ARNT2: variants seen among roughly 807,000 people sequenced by gnomAD.
ARNT2 encodes the protein ARNT protein 2.
A neutral mutation model predicts 91.7 loss-of-function variants in ARNT2; 36 were observed. The observed-to-expected ratio is 0.39, with a 90% CI of 0.30 to 0.52. The LOEUF (loss-of-function observed/expected upper bound fraction) is 0.52, where lower values mean the gene tolerates loss of function less well. Ranked by LOEUF, ARNT2 falls within the 20% of genes least tolerant of loss-of-function variation. The pLI, the probability that ARNT2 is intolerant of heterozygous loss-of-function variation, is 0.72. For synonymous variants in ARNT2, 365 were observed against 347.1 expected, an observed-to-expected ratio of 1.05 and a Z score of -0.57; for missense variants, 775 against 939.3, an observed-to-expected ratio of 0.83 and a Z score of 2.29.
intron 8 of ARNT2, among the ~76,000 whole-genome samples, chr15:80,531,770 G>A (rs1033187700): frequency 6.6e-6 from 1 of 152,142 alleles, no homozygotes; most frequent in African/African-American, 2.4e-5. Context: ...TGGACTCATT[G>A]AATGTCAGAG....
intron 11 of ARNT2, among the ~76,000 whole-genome samples, chr15:80,560,671 G>A (rs1185322716): frequency 1.3e-5 from 2 of 152,206 alleles, no homozygotes; most frequent in African/African-American, 4.8e-5. Context: ...TTCAAAACGT[G>A]GACAGTGACT....
intron 5 of ARNT2, among the ~76,000 whole-genome samples, chr15:80,482,083 A>G (rs1185985784): frequency 1.3e-5 from 2 of 151,938 alleles, no homozygotes; most frequent in East Asian, 3.9e-4. Flanking sequence ...TAATTTTTTA[A>G]TTTTTTTGTA....
chr15:80,581,515 T>G, intron 17 of ARNT2, 111 bp downstream of exon 17: 1 of 1,425,940 alleles, frequency 7.0e-7, no homozygotes, highest in Non-Finnish European at 9.6e-7. Flanking sequence ...AAACAAGGTC[T>G]GGAGGTTTCC....
At chr15:80,592,181 G>A (rs932913586) in intron 18 of ARNT2, among the ~76,000 whole-genome samples, 4 of 152,196 alleles carry the variant, frequency 2.6e-5, no homozygotes, top group Non-Finnish European at 5.9e-5. Context: ...CTCAGGGAGA[G>A]TCCCCGATTG....
intron 8 of ARNT2, among the ~76,000 whole-genome samples, chr15:80,524,808 G>C (rs1435743230): frequency 6.6e-6 from 1 of 151,306 alleles, no homozygotes; most frequent in East Asian, 1.9e-4. Context: ...CTGGGAGGCA[G>C]AGCTTGCAGT....
intron 8 of ARNT2, chr15:80,550,973 T>G (rs533904918): frequency 1.0e-5 from 5 of 496,528 alleles, no homozygotes; most frequent in East Asian, 6.8e-5. Context: ...TTCCTCTGCA[T>G]CATCCACAGA....
At chr15:80,581,539 C>A in intron 17 of ARNT2, 135 bp downstream of exon 17, 1 of 1,154,854 alleles carries the variant, frequency 8.7e-7, no homozygotes, top group Non-Finnish European at 1.2e-6. Flanking sequence ...CACCTCCTCT[C>A]TCTCTGGCTA....
chr15:80,423,644 T>C (rs1284697748), intron 1 of ARNT2, among the ~76,000 whole-genome samples: 1 of 152,194 alleles, frequency 6.6e-6, no homozygotes, highest in Non-Finnish European at 1.5e-5. Flanking sequence ...TCCATATTAG[T>C]AAGTGAGTTT....
intron 10 of ARNT2, among the ~76,000 whole-genome samples, chr15:80,554,386 G>A (rs934862807): frequency 1.3e-5 from 2 of 152,058 alleles, no homozygotes; most frequent in Non-Finnish European, 2.9e-5. Context: ...TCCAGCCTGG[G>A]GGACAAGAGT....
chr15:80,522,812 G>C (rs1897574069), intron 8 of ARNT2, among the ~76,000 whole-genome samples: 1 of 128,496 alleles, frequency 7.8e-6, no homozygotes, highest in South Asian at 2.2e-4. Flanking sequence ...GTGTGTGTGT[G>C]TGTGTGTGTA....
At chr15:80,459,696 G>A (rs1041559212) in intron 3 of ARNT2, among the ~76,000 whole-genome samples, 6 of 152,140 alleles carry the variant, frequency 3.9e-5, no homozygotes, top group Non-Finnish European at 8.8e-5. Context: ...CTACACTCTG[G>A]GTAACTATCT....
chr15:80,561,561 A>G (rs762150589), intron 11 of ARNT2, among the ~76,000 whole-genome samples: 4 of 152,188 alleles, frequency 2.6e-5, no homozygotes, highest in Non-Finnish European at 5.9e-5. Flanking sequence ...TGCTTTGGAC[A>G]ATTTCAGTTA....
chr15:80,508,056 T>G, intron 5 of ARNT2, 100 bp from the exon 6 acceptor site: 3 of 1,119,394 alleles, frequency 2.7e-6, no homozygotes, highest in Non-Finnish European at 4.0e-6. Flanking sequence ...ACACTTGTCC[T>G]CATTTGGCAG....
rs142574625 is a variant in ARNT2 at position 80,563,145 on chromosome 15, C to G, written c.1222C>G (p.Arg408Gly). Residue 408 changes from arginine (R) to glycine (G), a missense_variant, in exon 12 of 19, where the codon CGG (arginine) becomes GGG (glycine). By Grantham distance (125) the Arg-to-Gly change is moderately radical (BLOSUM62 -2). Transcript: ENST00000303329. ...SVMYRFRTKN[R>G]EWMLIRTSSF... Reference sequence around the variant, plus strand: ...CATGTATCGATTTCGCACCAAGAACCGGGAGTGGATGTTGATCCGCACCAG... The same window carrying G: ...CATGTATCGATTTCGCACCAAGAACGGGGAGTGGATGTTGATCCGCACCAG... 6.2e-7 allele frequency: 1 copy of G among 1,614,132 alleles called. No individual in the cohort carries two copies. The highest frequency in any genetic ancestry group is 1.7e-5 in the Admixed American group (1 of 60,016).
Position 80,539,361 on chromosome 15 carries a change from G to GA in ARNT2, c.878-11831dup, listed in dbSNP as rs373984687. 5.4e-3 allele frequency among the ~76,000 whole-genome samples: 823 copies of GA among 151,940 alleles called. 5 individuals are homozygous for GA. The highest frequency in any genetic ancestry group is 0.019 in the African/African-American group (799 of 41,460). ...AATCTGCTAATGTAAATAATTCAAG[G>GA]AAAAAAACTATTGACAAAATATAAG... On this transcript the variant is annotated intron_variant, in intron 8 of 18. Transcript: ENST00000303329.
intron 1 of ARNT2, among the ~76,000 whole-genome samples, chr15:80,432,580 C>T (rs1896026658): frequency 6.6e-6 from 1 of 152,146 alleles, no homozygotes. Context: ...CCACAGAGAC[C>T]TTATGGCCTT....
In ARNT2 at chr15:80,581,384, C is replaced by T. The variant is rs1567007758; in HGVS notation, c.1898C>T (p.Ala633Val). Residue 633 changes from alanine (A) to valine (V), a missense_variant, in exon 17 of 19, where the codon GCC becomes GTC. Physicochemically the swap from Ala to Val is moderately conservative, Grantham distance 64. Transcript: ENST00000303329. ...AGTGGGAATGCCTACTCCAGTCTTG[C>T]CAACAGGACTCCAGGGTTCGGTAGG... ...SPSGNAYSSL[A>V]NRTPGFAESG... 2 of 1,614,018 alleles carry T rather than the reference C, an allele frequency of 1.2e-6. No homozygotes were observed.
At chr15:80,519,725 A>G (rs1897503807) in intron 8 of ARNT2, among the ~76,000 whole-genome samples, 1 of 138,102 alleles carries the variant, frequency 7.2e-6, no homozygotes, top group Non-Finnish European at 1.5e-5. Context: ...TTGCTCTGTC[A>G]TCCAGGCTGG....
At chr15:80,565,048 G>T (rs568541596) in intron 12 of ARNT2, among the ~76,000 whole-genome samples, 1 of 151,732 alleles carries the variant, frequency 6.6e-6, no homozygotes, top group Non-Finnish European at 1.5e-5. Context: ...TCAGCCTCCC[G>T]AGTAGCTGGG....
Sources: gnomAD v4.1 joint callset for allele counts (sites outside exome capture counted in the v4.1 genomes callset) on GRCh38, gnomAD v4.1.1 for gene constraint, MANE v1.5 for transcripts, NCBI Gene and HGNC (gene_info 2026-07-23, HGNC 2026-07-21) for gene names.